Variants in CLEC16A observed in about 807,000 individuals in gnomAD.
CLEC16A encodes protein CLEC16A.
Under a neutral mutation model 109.5 loss-of-function variants are expected in CLEC16A, and 51 were observed. The ratio of observed to expected loss-of-function variants is 0.47; its 90% CI spans 0.37 to 0.59. CLEC16A has a LOEUF of 0.59. CLEC16A is among the 20% of genes least tolerant of loss of function. The pLI, the probability that CLEC16A is intolerant of heterozygous loss-of-function variation, is 0.00. For missense variants in CLEC16A, 1,339 were observed against 1,394.0 expected, an observed-to-expected ratio of 0.96 and a Z score of 0.63; for synonymous variants, 673 against 564.2, an observed-to-expected ratio of 1.19 and a Z score of -2.73.
At chr16:11,160,100 A>G (rs185777195) in intron 22 of CLEC16A, among the ~76,000 whole-genome samples, 134 of 152,282 alleles carry the variant, frequency 8.8e-4, no homozygotes, top group Admixed American at 2.7e-3. Context: ...GGTAGTTTTC[A>G]CATCTTCCAA....
At chr16:11,170,102 G>A (rs544175093) in intron 23 of CLEC16A, among the ~76,000 whole-genome samples, 3 of 152,186 alleles carry the variant, frequency 2.0e-5, no homozygotes, top group Non-Finnish European at 4.4e-5. Flanking sequence ...CGGTTTCCAA[G>A]ACTGTCTCAG....
intron 11 of CLEC16A, among the ~76,000 whole-genome samples, chr16:11,010,578 G>A (rs529804548): frequency 1.3e-5 from 2 of 151,988 alleles, no homozygotes; most frequent in African/African-American, 2.4e-5. Context: ...CACACCCCAC[G>A]CACATTCATC....
chr16:11,123,617 G>A (rs980083797), intron 20 of CLEC16A, 125 bp from the exon 21 acceptor site: 7 of 907,618 alleles, frequency 7.7e-6, no homozygotes, highest in African/African-American at 6.6e-5. Flanking sequence ...GGAGGCTGTC[G>A]ATCTTAGATC....
chr16:11,114,128 C>CGTGTGTGTGTGTGTGTGT lies in CLEC16A; in HGVS notation c.2117-6454_2117-6437dup, dbSNP rs3030600. Among the ~76,000 whole-genome samples the CGTGTGTGTGTGTGTGTGT allele has an allele frequency of 8.2e-4, 105 of 127,318 alleles. 1 individual carries two copies. The highest frequency in any genetic ancestry group is 1.2e-3 in the African/African-American group (38 of 32,692). The allele number at this position is 127,318 out of a possible 152,430, so 83.5% of individuals were successfully genotyped here. A position where few individuals can be genotyped will look rare whatever the true frequency, so the allele number is the denominator to read the frequency against. On this transcript the variant is annotated intron_variant, in intron 19 of 23. Coordinates refer to ENST00000409790, the MANE Select transcript of CLEC16A (RefSeq NM_015226.3). ...TTTCCTGATTTCCCATGAGGATGGC[C>CGTGTGTGTGTGTGTGTGT]GTGTGTGTGTGTGTGTGTGTGTGTG...
chr16:10,999,675 C>G (rs577288795), intron 10 of CLEC16A, among the ~76,000 whole-genome samples: 5 of 152,306 alleles, frequency 3.3e-5, no homozygotes, highest in African/African-American at 1.2e-4. Flanking sequence ...CCCTCCCACA[C>G]CAGACACCTG....
intron 13 of CLEC16A, among the ~76,000 whole-genome samples, chr16:11,029,955 A>G (rs951182154): frequency 2.0e-5 from 3 of 152,178 alleles, no homozygotes; most frequent in Admixed American, 6.5e-5. Flanking sequence ...TGCACTTTCT[A>G]AAATTTTGTA....
chr16:11,044,320 A>G, intron 16 of CLEC16A: 2 of 338,950 alleles, frequency 5.9e-6, no homozygotes, highest in Non-Finnish European at 1.1e-5. Flanking sequence ...TCTCAGTAAT[A>G]CATGGATTTG....
chr16:11,067,183 G>GTTTTTTTTTTTTTTT (rs1459178844), intron 19 of CLEC16A, among the ~76,000 whole-genome samples: 1 of 104,828 alleles, frequency 9.5e-6, no homozygotes, highest in Non-Finnish European at 1.9e-5. Flanking sequence ...TTTTTTGTTT[G>GTTTTTTTTTTTTTTT]TTTTTGTTTT....
intron 22 of CLEC16A, among the ~76,000 whole-genome samples, chr16:11,139,186 C>T (rs2053708651): frequency 6.6e-6 from 1 of 152,112 alleles, no homozygotes; most frequent in Admixed American, 6.6e-5. Context: ...CTAGAAGGGT[C>T]CCCAGGAACT....
chr16:10,972,801 G>T, intron 6 of CLEC16A, 137 bp from the exon 7 acceptor site: 1 of 948,954 alleles, frequency 1.1e-6, no homozygotes, highest in East Asian at 2.6e-5. Context: ...TTCCAGGAAA[G>T]ACAGACAATT....
chr16:10,949,828 C>G (rs141319379), intron 1 of CLEC16A, among the ~76,000 whole-genome samples: 1 of 152,160 alleles, frequency 6.6e-6, no homozygotes, highest in African/African-American at 2.4e-5. Context: ...TGGTGAGTTA[C>G]GGTAGCAGCT....
intron 22 of CLEC16A, chr16:11,126,733 T>A: frequency 6.2e-6 from 1 of 161,336 alleles, no homozygotes; most frequent in Admixed American, 6.2e-5. Flanking sequence ...GAAGACCGAG[T>A]TCTCCCCTTC....
rs754794047 is a variant in CLEC16A at position 10,979,316 on chromosome 16, C to T, written c.904-13C>T. ...CCTGATCTCTCTCTCTCTCTCCTGC[C>T]ACCCTGCACTAGGGAGGAGAACGGC... On this transcript the variant is annotated splice_polypyrimidine_tract_variant and intron_variant, in intron 8 of 23. Transcript: ENST00000409790. The T allele has an allele frequency of 1.2e-6, 2 of 1,610,306 alleles. No homozygotes were observed. The highest frequency in any genetic ancestry group is 3.4e-5 in the Admixed American group (2 of 59,644).
intron 18 of CLEC16A, among the ~76,000 whole-genome samples, chr16:11,055,575 C>CTTTT (rs71136609): frequency 0.026 from 1,066 of 41,776 alleles, 321 homozygotes; most frequent in East Asian, 0.045. Context: ...TTCCCTCTTG[C>CTTTT]TTTTTTTTTT....
At chr16:10,977,845 G>GCTTTCCTTTC (rs886949909) in intron 8 of CLEC16A, among the ~76,000 whole-genome samples, 1 of 152,126 alleles carries the variant, frequency 6.6e-6, no homozygotes, top group African/African-American at 2.4e-5. Context: ...AAGCACACTG[G>GCTTTCCTTTC]CTTTCCTTTC....
chr16:11,009,673 T>C (rs1365759907), intron 11 of CLEC16A, among the ~76,000 whole-genome samples: 3 of 152,220 alleles, frequency 2.0e-5, no homozygotes, highest in Non-Finnish European at 4.4e-5. Context: ...GAACTGATAC[T>C]GTGCAGGCAC....
At chr16:10,986,297 T>G (rs2043653099) in intron 10 of CLEC16A, among the ~76,000 whole-genome samples, 2 of 152,132 alleles carry the variant, frequency 1.3e-5, no homozygotes, top group Admixed American at 6.5e-5. Context: ...CCCAAAGTGC[T>G]GAGATTACAG....
At chr16:11,011,275 C>G (rs1271681584) in intron 11 of CLEC16A, among the ~76,000 whole-genome samples, 3 of 152,254 alleles carry the variant, frequency 2.0e-5, no homozygotes, top group African/African-American at 7.2e-5. Flanking sequence ...AACATTCTCT[C>G]TGTGTTTAAA....
rs547588773 is a variant in CLEC16A, at chr16:11,076,987, C to T, written c.2116+15965C>T. 1.1e-4 allele frequency among the ~76,000 whole-genome samples: 17 copies of T among 152,312 alleles called. No individual in the cohort carries two copies. The East Asian group carries it at 2.5e-3, about 22-fold the overall frequency. On this transcript the variant is annotated intron_variant, in intron 19 of 23. Transcript: ENST00000409790. ...ATTGTGACCTTGAATCCTAAATCCCCGTTAAAGTTGAGGCTTAGGAAGCAC... is the reference window on the plus strand; with the variant it reads ...ATTGTGACCTTGAATCCTAAATCCCTGTTAAAGTTGAGGCTTAGGAAGCAC...
Sources: gnomAD v4.1 joint callset for allele counts (sites outside exome capture counted in the v4.1 genomes callset) on GRCh38, gnomAD v4.1.1 for gene constraint, MANE v1.5 for transcripts, NCBI Gene and HGNC (gene_info 2026-07-23, HGNC 2026-07-21) for gene names.